Variants in TBC1D19 observed in about 807,000 individuals in gnomAD.
TBC1D19 encodes TBC1 domain family, member 19.
In TBC1D19, 60 loss-of-function variants were observed where a neutral mutation model predicts 89.0. The observed-to-expected ratio is 0.67, with a 90% CI of 0.55 to 0.84. The LOEUF (loss-of-function observed/expected upper bound fraction) is 0.84. Among genes scored for constraint, TBC1D19 ranks in the 40% least tolerant of loss-of-function variants. The pLI is 0.00. For synonymous variants in TBC1D19, 189 were observed against 199.7 expected, an observed-to-expected ratio of 0.95 and a Z score of 0.45; for missense variants, 500 against 610.8, an observed-to-expected ratio of 0.82 and a Z score of 1.91.
chr4:26,724,464 G>A (rs1419119826), intron 15 of TBC1D19, among the ~76,000 whole-genome samples: 2 of 152,068 alleles, frequency 1.3e-5, no homozygotes, highest in Non-Finnish European at 2.9e-5. Flanking sequence ...TGGGTTCTAG[G>A]TGTTGTTTAG....
intron 13 of TBC1D19, among the ~76,000 whole-genome samples, chr4:26,708,443 G>A (rs186629335): frequency 6.6e-6 from 1 of 152,120 alleles, no homozygotes; most frequent in Admixed American, 6.6e-5. Context: ...GTGTCCTAGT[G>A]TGGGACTCTT....
chr4:26,739,034 G>A lies in TBC1D19; in HGVS notation c.1118-830G>A, dbSNP rs75111367. On this transcript the variant is annotated intron_variant, in intron 16 of 20. Transcript: ENST00000264866. Reference sequence around the variant, plus strand: ...TTATTAAAATTAATATTTAGGTAATGCAGTTGTATCTATCTGCATTATAAA... The same window carrying A: ...TTATTAAAATTAATATTTAGGTAATACAGTTGTATCTATCTGCATTATAAA... 4.5e-4 allele frequency among the ~76,000 whole-genome samples: 68 copies of A among 152,244 alleles called. 1 individual carries two copies. In the East Asian group the frequency reaches 0.011, roughly 25 times the overall value.
chr4:26,624,338 C>T (rs114396570), intron 4 of TBC1D19, among the ~76,000 whole-genome samples: 1,633 of 151,978 alleles, frequency 0.011, 15 homozygotes, highest in South Asian at 0.016. Flanking sequence ...GTTTTATGGC[C>T]CTTAGCACAA....
rs768839812 is a variant in TBC1D19, at chr4:26,739,932, C to T, written c.1186C>T (p.Arg396Cys). The T allele has an allele frequency of 6.3e-6, 10 of 1,596,222 alleles. No homozygotes were observed. The highest frequency in any genetic ancestry group is 2.3e-5 in the South Asian group (2 of 88,046). Residue 396 changes from arginine to cysteine, a missense_variant, in exon 17 of 21, where the codon CGT (arginine) becomes TGT (cysteine). By Grantham distance (180) the Arg-to-Cys change is radical. Around this residue, in one of 2 missense-constraint regions of TBC1D19, gnomAD observed 220 missense variants for 319.1 expected, o/e 0.69. Transcript: ENST00000264866. ...LYQIFREMYV[R>C]FFFRLHSISS... ...TCAGATATTCCGTGAGATGTATGTG[C>T]GTTTTTTCTTCAGACTCCATTCCAT...
chr4:26,841,434 C>T, the TBC1D19 span, among the ~76,000 whole-genome samples: 2 of 151,692 alleles, frequency 1.3e-5, no homozygotes, highest in Non-Finnish European at 2.9e-5. Context: ...CAGCCTGTTA[C>T]CCCCTGTGAT....
the TBC1D19 span, among the ~76,000 whole-genome samples, chr4:26,833,145 A>G: frequency 6.6e-6 from 1 of 152,190 alleles, no homozygotes; most frequent in South Asian, 2.1e-4. Context: ...ACACACACAG[A>G]CAAGCGAAGA....
At chr4:26,748,307 A>G in intron 18 of TBC1D19, 104 bp from the exon 19 acceptor site, 2 of 764,814 alleles carry the variant, frequency 2.6e-6, no homozygotes, top group Non-Finnish European at 4.3e-6. Flanking sequence ...TGCCCAGGTG[A>G]TTTCTAAGAC....
chr4:26,610,414 C>CT (rs757861203), intron 1 of TBC1D19, among the ~76,000 whole-genome samples: 2,374 of 112,396 alleles, frequency 0.021, 44 homozygotes, highest in African/African-American at 0.049. Flanking sequence ...TTCTGCATTT[C>CT]TTTTTTTTTT....
At chr4:26,631,553 T>C (rs1742808310) in intron 4 of TBC1D19, among the ~76,000 whole-genome samples, 1 of 152,122 alleles carries the variant, frequency 6.6e-6, no homozygotes, top group Admixed American at 6.6e-5. Flanking sequence ...AACCCCACTT[T>C]TCTGAATTGG....
chr4:26,591,880 C>T (rs936367292), intron 1 of TBC1D19, among the ~76,000 whole-genome samples: 7 of 152,162 alleles, frequency 4.6e-5, no homozygotes, highest in Admixed American at 6.5e-5. Flanking sequence ...CAGGACCAGA[C>T]GGATTCACAG....
intron 13 of TBC1D19, among the ~76,000 whole-genome samples, chr4:26,696,531 C>G (rs896074536): frequency 9.2e-5 from 14 of 152,210 alleles, no homozygotes; most frequent in African/African-American, 2.9e-4. Flanking sequence ...GCAGAACTCT[C>G]CACCCCAACT....
At chr4:26,826,183 C>T in the TBC1D19 span, among the ~76,000 whole-genome samples, 2 of 152,046 alleles carry the variant, frequency 1.3e-5, no homozygotes, top group Admixed American at 6.6e-5. Flanking sequence ...GCCTTGGTGA[C>T]AGAAAGAGAC....
chr4:26,808,096 G>C, the TBC1D19 span, among the ~76,000 whole-genome samples: 37 of 152,344 alleles, frequency 2.4e-4, no homozygotes, highest in African/African-American at 8.7e-4. Flanking sequence ...AAGAGACATC[G>C]TCATGCCGTC....
At chr4:26,772,989 G>T in the TBC1D19 span, among the ~76,000 whole-genome samples, 1 of 152,154 alleles carries the variant, frequency 6.6e-6, no homozygotes, top group Non-Finnish European at 1.5e-5. Context: ...CCAGTAATGG[G>T]ATTGCTAGGT....
the TBC1D19 span, among the ~76,000 whole-genome samples, chr4:26,853,815 G>A: frequency 1.3e-5 from 2 of 152,220 alleles, no homozygotes; most frequent in African/African-American, 2.4e-5. Context: ...AATTACAGGC[G>A]TGAGCCACCG....
chr4:26,749,922 T>A (rs1440768612), intron 19 of TBC1D19, among the ~76,000 whole-genome samples: 1 of 152,192 alleles, frequency 6.6e-6, no homozygotes, highest in East Asian at 1.9e-4. Flanking sequence ...TAGGAAATAA[T>A]GGTCTGCCCT....
chr4:26,590,556 A>G (rs946394586), intron 1 of TBC1D19, among the ~76,000 whole-genome samples: 12 of 152,282 alleles, frequency 7.9e-5, no homozygotes, highest in East Asian at 1.9e-4. Context: ...GAATTCTTCA[A>G]TGAAGCCTGT....
At chr4:26,853,600 C>T in the TBC1D19 span, among the ~76,000 whole-genome samples, 7 of 151,852 alleles carry the variant, frequency 4.6e-5, no homozygotes, top group African/African-American at 9.7e-5. Flanking sequence ...TGCAGTGGTG[C>T]GGTCTCGGCT....
the TBC1D19 span, among the ~76,000 whole-genome samples, chr4:26,832,917 C>T: frequency 6.6e-6 from 1 of 152,020 alleles, no homozygotes; most frequent in Non-Finnish European, 1.5e-5. Flanking sequence ...TTGCTTGAGT[C>T]CAGGAGGTGG....
Sources: gnomAD v4.1 joint callset for allele counts (sites outside exome capture counted in the v4.1 genomes callset) on GRCh38, gnomAD v4.1.1 for gene constraint, gnomAD v4.1.1 regional missense constraint, MANE v1.5 for transcripts, NCBI Gene and HGNC (gene_info 2026-07-23, HGNC 2026-07-21) for gene names.